LRMDA: variants seen among roughly 807,000 people sequenced by gnomAD.
LRMDA encodes leucine rich melanocyte differentiation associated, also known as leucine-rich melanocyte differentiation-associated protein.
A neutral mutation model predicts 29.8 loss-of-function variants in LRMDA; 18 were observed. The observed-to-expected ratio is 0.60, with a 90% confidence interval of 0.42 to 0.90. LRMDA has a LOEUF of 0.90. Among genes scored for constraint, LRMDA ranks in the 40% least tolerant of loss-of-function variants. LRMDA has a pLI of 0.00. For missense variants in LRMDA, 273 were observed against 273.9 expected, an observed-to-expected ratio of 1.00 and a Z score of 0.02; for synonymous variants, 125 against 109.4, an observed-to-expected ratio of 1.14 and a Z score of -0.89.
At chr10:76,049,863 A>G (rs1848500826) in intron 4 of LRMDA, among the ~76,000 whole-genome samples, 1 of 152,266 alleles carries the variant, frequency 6.6e-6, no homozygotes, top group South Asian at 2.1e-4. Flanking sequence ...ATGTAAATTT[A>G]TGTGACGTTT....
intron 6 of LRMDA, among the ~76,000 whole-genome samples, chr10:76,403,938 T>C (rs767090295): frequency 2.6e-5 from 4 of 152,138 alleles, no homozygotes; most frequent in Non-Finnish European, 4.4e-5. Context: ...ACACCCTCAA[T>C]GGTGCCCGCT....
intron 6 of LRMDA, among the ~76,000 whole-genome samples, chr10:76,534,931 T>C (rs1283042564): frequency 6.6e-6 from 1 of 152,168 alleles, no homozygotes; most frequent in Non-Finnish European, 1.5e-5. Context: ...CTCCATGATA[T>C]TTATGTCTAA....
At chr10:76,076,945 G>T (rs1589316291) in intron 5 of LRMDA, among the ~76,000 whole-genome samples, 1 of 152,172 alleles carries the variant, frequency 6.6e-6, no homozygotes, top group African/African-American at 2.4e-5. Context: ...TGGGACCAGG[G>T]TTTACTTTTC....
chr10:75,482,456 A>G (rs952168552), intron 2 of LRMDA, among the ~76,000 whole-genome samples: 3 of 152,250 alleles, frequency 2.0e-5, no homozygotes, highest in Non-Finnish European at 4.4e-5. Flanking sequence ...TCTTGGCAGT[A>G]GATGGCTGAT....
chr10:75,913,772 G>A (rs1009202848), intron 2 of LRMDA, among the ~76,000 whole-genome samples: 1 of 152,236 alleles, frequency 6.6e-6, no homozygotes, highest in African/African-American at 2.4e-5. Flanking sequence ...GCCGGCATCA[G>A]GGTGCCCCTG....
At chr10:76,207,204 C>T (rs1336772614) in intron 5 of LRMDA, among the ~76,000 whole-genome samples, 1 of 152,300 alleles carries the variant, frequency 6.6e-6, no homozygotes, top group East Asian at 1.9e-4. Context: ...GATCAAAACA[C>T]TTGCTCTGAA....
At chr10:75,759,560 CT>C (rs1428918531) in intron 2 of LRMDA, among the ~76,000 whole-genome samples, 2 of 152,138 alleles carry the variant, frequency 1.3e-5, no homozygotes, top group Non-Finnish European at 2.9e-5. Flanking sequence ...TGGCTTTCTT[CT>C]TGTAGGCTAA....
intron 2 of LRMDA, among the ~76,000 whole-genome samples, chr10:75,818,120 A>C (rs1212354669): frequency 1.3e-5 from 2 of 152,150 alleles, no homozygotes; most frequent in African/African-American, 4.8e-5. Context: ...TCCTTTTTCA[A>C]ATGTCCTCCA....
intron 6 of LRMDA, among the ~76,000 whole-genome samples, chr10:76,412,341 G>A (rs796401969): frequency 9.2e-5 from 14 of 152,206 alleles, no homozygotes; most frequent in East Asian, 5.8e-4. Flanking sequence ...AAAGTATTTC[G>A]GAAAGATGGT....
chr10:75,953,821 T>A (rs1316156995), intron 2 of LRMDA, among the ~76,000 whole-genome samples: 2 of 152,152 alleles, frequency 1.3e-5, no homozygotes. Flanking sequence ...TGTCCCCTAG[T>A]GCCCAGCCTC....
chr10:76,062,380 G>A (rs923364214), intron 5 of LRMDA, among the ~76,000 whole-genome samples: 20 of 152,198 alleles, frequency 1.3e-4, no homozygotes, highest in African/African-American at 4.8e-4. Context: ...CAGTCTGGGT[G>A]TTCTCGGCTG....
intron 5 of LRMDA, among the ~76,000 whole-genome samples, chr10:76,151,146 T>C (rs909024409): frequency 1.3e-5 from 2 of 151,150 alleles, no homozygotes; most frequent in African/African-American, 4.9e-5. Context: ...ATGTTTACAT[T>C]TCCTGTGTAC....
At chr10:75,453,223 G>A (rs1271289038) in intron 2 of LRMDA, among the ~76,000 whole-genome samples, 1 of 152,246 alleles carries the variant, frequency 6.6e-6, no homozygotes, top group African/African-American at 2.4e-5. Context: ...AATGTGTGAA[G>A]AAGAGCTCTG....
chr10:75,670,400 C>T (rs1841876869), intron 2 of LRMDA, among the ~76,000 whole-genome samples: 1 of 152,078 alleles, frequency 6.6e-6, no homozygotes, highest in South Asian at 2.1e-4. Flanking sequence ...TTTTTAAATA[C>T]TCTAAAAGTA....
At chr10:76,403,046 T>C (rs1841865798) in intron 6 of LRMDA, among the ~76,000 whole-genome samples, 1 of 151,780 alleles carries the variant, frequency 6.6e-6, no homozygotes, top group Non-Finnish European at 1.5e-5. Flanking sequence ...CCAGAAGTGT[T>C]TTATTTGTTC....
intron 2 of LRMDA, among the ~76,000 whole-genome samples, chr10:75,900,908 G>T (rs189498024): frequency 2.0e-5 from 3 of 152,174 alleles, no homozygotes; most frequent in Non-Finnish European, 4.4e-5. Context: ...AGAGATAGCT[G>T]CTGGATAATC....
intron 2 of LRMDA, among the ~76,000 whole-genome samples, chr10:75,499,481 A>G (rs561653352): frequency 6.6e-6 from 1 of 152,330 alleles, no homozygotes; most frequent in South Asian, 2.1e-4. Context: ...GTCTTTTCTG[A>G]AAAATGGAGA....
At chr10:75,861,087 G>A (rs999327463) in intron 2 of LRMDA, among the ~76,000 whole-genome samples, 10 of 152,314 alleles carry the variant, frequency 6.6e-5, no homozygotes, top group South Asian at 4.1e-4. Context: ...GTCCAATGAC[G>A]ATAATAAATC....
At chr10:76,544,722 A>G (rs1204899516) in intron 6 of LRMDA, among the ~76,000 whole-genome samples, 3 of 58,290 alleles carry the variant, frequency 5.1e-5, no homozygotes, top group Admixed American at 1.9e-4. Context: ...ACACACACAC[A>G]CACACACACA....
Sources: gnomAD v4.1 joint callset for allele counts (sites outside exome capture counted in the v4.1 genomes callset) on GRCh38, gnomAD v4.1.1 for gene constraint, MANE v1.5 for transcripts, NCBI Gene and HGNC (gene_info 2026-07-23, HGNC 2026-07-21) for gene names.